TPO: variants seen among roughly 807,000 people sequenced by gnomAD.
TPO encodes the protein thyroid microsomal antigen.
TPO carries 78 observed loss-of-function variants against 96.9 expected under a neutral mutation model. The ratio of observed to expected loss-of-function variants is 0.81; its 90% CI spans 0.67 to 0.97. The LOEUF (loss-of-function observed/expected upper bound fraction) is 0.97. Ranked by LOEUF, TPO falls within the 50% of genes least tolerant of loss-of-function variation. The probability of loss-of-function intolerance (pLI) is 0.00; values close to 1 mark genes in which losing one functional copy is unlikely to be tolerated. For synonymous variants in TPO, 547 were observed against 538.0 expected (o/e 1.02, Z -0.23); for missense variants, 1,252 against 1,274.8 (o/e 0.98, Z 0.27).
At chr2:1,483,982 C>A (rs1282589100) in intron 8 of TPO, among the ~76,000 whole-genome samples, 2 of 152,220 alleles carry the variant, frequency 1.3e-5, no homozygotes, top group East Asian at 1.9e-4. Context: ...TATTATGCTT[C>A]ATTTGGATGC....
At chr2:1,465,824 C>T (rs1668845842) in intron 7 of TPO, among the ~76,000 whole-genome samples, 1 of 152,118 alleles carries the variant, frequency 6.6e-6, no homozygotes, top group African/African-American at 2.4e-5. Context: ...TCTAGGTAAA[C>T]AATCATATCA....
intron 15 of TPO, among the ~76,000 whole-genome samples, chr2:1,524,985 C>CA (rs1676101726): frequency 8.2e-6 from 1 of 122,216 alleles, no homozygotes; most frequent in Non-Finnish European, 1.7e-5. Context: ...GTGTGTGCAA[C>CA]CTCCCCAAAT....
At chr2:1,456,449 G>A (rs370450223) in intron 7 of TPO, among the ~76,000 whole-genome samples, 167 bp downstream of exon 7, 3 of 152,180 alleles carry the variant, frequency 2.0e-5, no homozygotes, top group African/African-American at 7.2e-5. Context: ...CTGGGTACAC[G>A]TATATATAGC....
intron 1 of TPO, among the ~76,000 whole-genome samples, chr2:1,384,874 T>G (rs1393914571): frequency 6.6e-6 from 1 of 152,154 alleles, no homozygotes; most frequent in African/African-American, 2.4e-5. Flanking sequence ...TTATTATTTT[T>G]AGATACATCC....
intron 5 of TPO, chr2:1,439,197 G>A (rs992441191): frequency 7.1e-5 from 17 of 239,952 alleles, no homozygotes; most frequent in African/African-American, 2.2e-4. Context: ...CTCCACTGAC[G>A]CTCCTGGGAG....
intron 14 of TPO, among the ~76,000 whole-genome samples, chr2:1,505,685 A>G (rs867970404): frequency 3.9e-5 from 6 of 151,990 alleles, no homozygotes; most frequent in Admixed American, 6.5e-5. Flanking sequence ...TACGTGTGCC[A>G]TGGTGGTTTG....
At chr2:1,531,135 A>AC (rs1678084983) in intron 15 of TPO, among the ~76,000 whole-genome samples, 2 of 8,118 alleles carry the variant, frequency 2.5e-4, no homozygotes, top group Non-Finnish European at 4.6e-4. Context: ...CCTCCCCAAA[A>AC]CCCCCCACTG....
At position 1,516,923 on chromosome 2, in the gene TPO, G is replaced by T; in HGVS notation, c.2559G>T (p.Ser853=). ...CTCGGGTGACTTGGATCTCCATGTC[G>T]CTGGCTGCTCTGCTGATCGGAGGCT... is the stretch of plus-strand genomic sequence containing the variant. ...RLPRVTWISM[S]LAALLIGGFA... is the part of the protein sequence containing the mutation. The change falls in exon 15 of 17, where the codon TCG becomes TCT. Residue 853 remains serine, a synonymous_variant. Transcript: ENST00000329066. The T allele has an allele frequency of 6.2e-7, 1 of 1,613,950 alleles. No homozygotes were observed. Among genetic ancestry groups the T allele is most frequent in the South Asian group, 1.1e-5 (1 of 91,084 alleles).
At position 1,504,229 on chromosome 2, in the gene TPO, C is replaced by T. The variant is rs941420281; in HGVS notation, c.2518+150C>T. The T allele has an allele frequency of 2.1e-5, 30 of 1,410,750 alleles. 1 individual carries two copies. Among genetic ancestry groups the T allele is most frequent in the Admixed American group, 3.9e-5 (2 of 51,744 alleles). The allele number at this position is 1,410,750 out of a possible 1,614,324, so 87.4% of individuals were successfully genotyped here. ...CACCAAGCCCACGGTGCCCGAGGGG[C>T]GTCTGCGCTGTGCTGGGGGCAGAGG... On this transcript the variant is annotated intron_variant, in intron 14 of 16. Coordinates refer to ENST00000329066, the MANE Select transcript of TPO (RefSeq NM_001206744.2).
At chr2:1,505,476 A>G in intron 14 of TPO, among the ~76,000 whole-genome samples, 1 of 48,004 alleles carries the variant, frequency 2.1e-5, no homozygotes, top group African/African-American at 1.0e-4. Context: ...TGTCAGGCGC[A>G]TCCCCCCCAC....
At chr2:1,513,631 G>C (rs1430084043) in intron 14 of TPO, 1 of 152,200 alleles carries the variant, frequency 6.6e-6, no homozygotes, top group Non-Finnish European at 1.5e-5. Context: ...TTATAGATTA[G>C]AGACATCCAT....
intron 14 of TPO, among the ~76,000 whole-genome samples, chr2:1,507,930 G>C (rs1478177798): frequency 1.3e-5 from 2 of 152,152 alleles, no homozygotes; most frequent in Non-Finnish European, 2.9e-5. Context: ...TGTTGAATAG[G>C]AGTGGTGAGA....
At chr2:1,375,114 A>G (rs1661702890) in intron 1 of TPO, among the ~76,000 whole-genome samples, 1 of 113,120 alleles carries the variant, frequency 8.8e-6, no homozygotes, top group Non-Finnish European at 2.2e-5. Context: ...TTAAGTTTTT[A>G]AAATTTAAAA....
chr2:1,523,839 TCCC>T (rs1351683643), intron 15 of TPO, among the ~76,000 whole-genome samples: 17 of 56,080 alleles, frequency 3.0e-4, no homozygotes, highest in Admixed American at 1.7e-3. Context: ...ACTCCTCAAA[TCCC>T]CCCAACTGTG....
intron 5 of TPO, among the ~76,000 whole-genome samples, chr2:1,447,276 C>T (rs1306167242): frequency 2.0e-5 from 3 of 152,324 alleles, no homozygotes; most frequent in South Asian, 2.1e-4. Context: ...CCTTGGTCTC[C>T]ACAACCTGTG....
intron 8 of TPO, among the ~76,000 whole-genome samples, chr2:1,483,665 A>C (rs897022632): frequency 6.6e-6 from 1 of 152,200 alleles, no homozygotes; most frequent in African/African-American, 2.4e-5. Flanking sequence ...TGGATGAACT[A>C]GCACAGGGAC....
At chr2:1,383,029 TC>T (rs1449717088) in intron 1 of TPO, among the ~76,000 whole-genome samples, 2 of 152,100 alleles carry the variant, frequency 1.3e-5, no homozygotes, top group Non-Finnish European at 2.9e-5. Flanking sequence ...TCCAGCTTCA[TC>T]CATGTCCCTA....
intron 12 of TPO, 90 bp downstream of exon 12, chr2:1,496,287 C>T (rs1573431223): frequency 6.7e-7 from 1 of 1,483,344 alleles, no homozygotes; most frequent in East Asian, 2.4e-5. Context: ...TTTAACTTTT[C>T]ACTGTTTAGA....
At chr2:1,537,448 C>A (rs963573581) in intron 15 of TPO, among the ~76,000 whole-genome samples, 459 of 59,214 alleles carry the variant, frequency 7.8e-3, no homozygotes, top group South Asian at 0.019. Context: ...ACTCCCAAAT[C>A]TCCCCACTGT....
Sources: allele counts gnomAD v4.1 joint callset (sites outside exome capture counted in the v4.1 genomes callset), GRCh38; gene constraint gnomAD v4.1.1; transcripts MANE v1.5; gene names NCBI Gene and HGNC (gene_info 2026-07-23, HGNC 2026-07-21).